PLCH2: variants seen among roughly 807,000 people sequenced by gnomAD.
The protein encoded by PLCH2 is 1-phosphatidylinositol 4,5-bisphosphate phosphodiesterase eta-2.
PLCH2 carries 98 observed loss-of-function variants against 134.7 expected under a neutral mutation model. That is an observed-to-expected ratio of 0.73 (90% CI 0.62 to 0.86). The LOEUF (loss-of-function observed/expected upper bound fraction) is 0.86. Ranked by LOEUF, PLCH2 falls within the 40% of genes least tolerant of loss-of-function variation. PLCH2 has a pLI of 0.00. For synonymous variants in PLCH2, 974 were observed against 827.5 expected (o/e 1.18, Z -3.04); for missense variants, 1,994 against 1,986.6 (o/e 1.00, Z -0.07).
At chr1:2,453,616 G>A (rs1190272486) in intron 2 of PLCH2, among the ~76,000 whole-genome samples, 1 of 152,136 alleles carries the variant, frequency 6.6e-6, no homozygotes, top group Non-Finnish European at 1.5e-5. Context: ...CCTCTGGCAG[G>A]GGCAGGACCC....
At chr1:2,438,687 C>T (rs1261413884) in intron 2 of PLCH2, among the ~76,000 whole-genome samples, 1 of 152,160 alleles carries the variant, frequency 6.6e-6, no homozygotes, top group Non-Finnish European at 1.5e-5. Context: ...CCCCGCCTCC[C>T]AACACCTGCT....
At position 2,495,374 on chromosome 1, in the gene PLCH2, G is replaced by T. The variant is rs191049391; in HGVS notation, c.1753-114G>T. 4 of 802,266 alleles carry T rather than the reference G, an allele frequency of 5.0e-6. 1 individual carries two copies. The highest frequency in any genetic ancestry group is 2.6e-5 in the Admixed American group (1 of 38,318). 49.7% of individuals were successfully genotyped at this position (802,266 alleles called of 1,614,324 possible). Reference sequence around the variant, plus strand: ...CAGCCAGGCGGGATGGACATGGGAGGCTGCGTGGGCCGCTGGGGACCCCGG... The same window carrying T: ...CAGCCAGGCGGGATGGACATGGGAGTCTGCGTGGGCCGCTGGGGACCCCGG... On this transcript the variant is annotated intron_variant, in intron 12 of 21. Coordinates refer to ENST00000378486, the MANE Select transcript of PLCH2 (RefSeq NM_014638.4).
intron 2 of PLCH2, among the ~76,000 whole-genome samples, chr1:2,443,027 T>A (rs1206548980): frequency 6.6e-6 from 1 of 152,170 alleles, no homozygotes; most frequent in Non-Finnish European, 1.5e-5. Flanking sequence ...GCTTTGGGCC[T>A]CCAGGGTCTG....
intron 2 of PLCH2, among the ~76,000 whole-genome samples, chr1:2,441,989 C>T (rs1015961320): frequency 2.0e-5 from 3 of 152,162 alleles, no homozygotes; most frequent in Non-Finnish European, 2.9e-5. Context: ...AACACACACC[C>T]GGCACAGAGT....
intron 2 of PLCH2, among the ~76,000 whole-genome samples, chr1:2,436,250 CCCCTCCTCCCTCCTCCTCCTTTCCT>C (rs1639350579): frequency 8.9e-6 from 1 of 112,630 alleles, no homozygotes; most frequent in Non-Finnish European, 1.9e-5. Flanking sequence ...CCTCCCTCCT[CCCCTCCTCCCTCCTCCTCCTTTCCT>C]CCTTCCTCCC....
chr1:2,467,920 C>T (rs1641144195), intron 1 of PLCH2, among the ~76,000 whole-genome samples: 1 of 152,230 alleles, frequency 6.6e-6, no homozygotes, highest in Non-Finnish European at 1.5e-5. Context: ...CACCCTGCCT[C>T]ATCTGCCCCT....
chr1:2,483,876 TGGGTGGCGCTGACTCCCGTGTG>T lies in PLCH2; in HGVS notation c.646-568_646-547del, dbSNP rs1558005167. On this transcript the variant is annotated intron_variant, in intron 4 of 21. Transcript: ENST00000378486. ...GTGTGGGGTGGCGCTGACCCCCGTG[TGGGTGGCGCTGACTCCCGTGTG>T]GGGGGGCGCTGACTCCCGTGTGGGG... Among the ~76,000 whole-genome samples, 3 of 22,644 alleles carry T rather than the reference TGGGTGGCGCTGACTCCCGTGTG, an allele frequency of 1.3e-4. 1 individual carries two copies. The highest frequency in any genetic ancestry group is 4.5e-4 in the African/African-American group (3 of 6,736). 14.9% of individuals were successfully genotyped at this position (22,644 alleles called of 152,430 possible).
At chr1:2,466,614 G>C (rs1475270547), upstream of PLCH2, among the ~76,000 whole-genome samples, 2 of 152,254 alleles carry the variant, frequency 1.3e-5, no homozygotes, top group African/African-American at 4.8e-5. Flanking sequence ...CACATCCGGG[G>C]CTCAGTGTCC....
At chr1:2,497,129 C>A (rs1642939194) in intron 15 of PLCH2, 119 bp downstream of exon 15, 1 of 981,238 alleles carries the variant, frequency 1.0e-6, no homozygotes, top group East Asian at 2.6e-5. Context: ...GGCTCTATTG[C>A]CCTTGGAGCC....
chr1:2,461,673 T>C (rs1640809612), intron 2 of PLCH2, among the ~76,000 whole-genome samples: 1 of 152,188 alleles, frequency 6.6e-6, no homozygotes, highest in African/African-American at 2.4e-5. Flanking sequence ...CCCGCCTCTG[T>C]GGGCCTCAAA....
At chr1:2,487,773 CA>C in intron 8 of PLCH2, 55 bp downstream of exon 8, 2 of 1,544,308 alleles carry the variant, frequency 1.3e-6, no homozygotes, top group Non-Finnish European at 1.8e-6. Flanking sequence ...GTAGGGTCTC[CA>C]GGCTCTAGCT....
Position 2,484,441 on chromosome 1 carries a change from A to T in PLCH2, c.646-7A>T, listed in dbSNP as rs781308040. 1.9e-6 allele frequency: 3 copies of T among 1,613,022 alleles called. No individual in the cohort carries two copies. In the South Asian group the frequency reaches 3.3e-5, roughly 18 times the overall value. On this transcript the variant is annotated splice_region_variant and splice_polypyrimidine_tract_variant and intron_variant, in intron 4 of 21. Transcript: ENST00000378486. ...TGCCAATGGGGACCCAAGGCCTTGCATTGCAGGAAGCGGACACGGATGACC... is the reference window on the plus strand; with the variant it reads ...TGCCAATGGGGACCCAAGGCCTTGCTTTGCAGGAAGCGGACACGGATGACC...
chr1:2,471,182 C>T (rs1374802669), intron 1 of PLCH2, among the ~76,000 whole-genome samples: 3 of 152,088 alleles, frequency 2.0e-5, no homozygotes, highest in South Asian at 2.1e-4. Context: ...CTGGGGACGG[C>T]GAGGGGGCAG....
At chr1:2,446,264 C>T (rs768737774) in intron 2 of PLCH2, among the ~76,000 whole-genome samples, 8 of 152,272 alleles carry the variant, frequency 5.3e-5, no homozygotes, top group Non-Finnish European at 1.0e-4. Flanking sequence ...ACTCTTGTCT[C>T]CAATGGCCCC....
chr1:2,455,945 T>G (rs1441232575), intron 2 of PLCH2, among the ~76,000 whole-genome samples: 1 of 152,250 alleles, frequency 6.6e-6, no homozygotes, highest in Non-Finnish European at 1.5e-5. Context: ...TAAGTGTATT[T>G]TTAAAGCGGC....
rs753901435 is a variant in PLCH2 at position 2,504,666 on chromosome 1, C to CTCCCTGGGGCTGCCTT, written c.3712_3727dup (p.Val1243GlyfsTer26). 3.4e-5 allele frequency: 55 copies of CTCCCTGGGGCTGCCTT among 1,612,532 alleles called. No individual in the cohort carries two copies. The highest frequency in any genetic ancestry group is 4.2e-5 in the Non-Finnish European group (49 of 1,179,834). Reference sequence around the variant, plus strand: ...AGGATGGCTGGCCTCCCCTTCCGGCCTCCCTGGGGCTGCCTTTCCCTGGTG... The same window carrying CTCCCTGGGGCTGCCTT: ...AGGATGGCTGGCCTCCCCTTCCGGCCTCCCTGGGGCTGCCTTTCCCTGGGGCTGCCTTTCCCTGGTG... On this transcript the variant is annotated frameshift_variant, in exon 22 of 22. Coordinates refer to ENST00000378486, the MANE Select transcript of PLCH2 (RefSeq NM_014638.4). LOFTEE classifies it high-confidence loss of function.
Position 2,496,778 on chromosome 1 carries a change from C to T in PLCH2, c.1934-50C>T, listed in dbSNP as rs753049140. 27 of 1,610,230 alleles carry T rather than the reference C, an allele frequency of 1.7e-5. No homozygotes were observed. In the South Asian group the frequency reaches 1.8e-4, roughly 10 times the overall value. Reference sequence around the variant, plus strand: ...CCATCCCTGCTATGCTGCTGGGCGCCGGGCGAGGTCGAGGACTGGCAGTCT... The same window carrying T: ...CCATCCCTGCTATGCTGCTGGGCGCTGGGCGAGGTCGAGGACTGGCAGTCT... On this transcript the variant is annotated intron_variant, in intron 14 of 21. Coordinates refer to ENST00000378486, the MANE Select transcript of PLCH2 (RefSeq NM_014638.4).
rs775481637 is a variant in PLCH2 at position 2,504,152 on chromosome 1, G to A, written c.3190G>A (p.Ala1064Thr). The change falls in exon 22 of 22, where the codon GCC becomes ACC. Residue 1064 changes from alanine (A) to threonine (T), a missense_variant. Ala to Thr is a moderately conservative substitution (Grantham distance 58, BLOSUM62 0). Coordinates refer to ENST00000378486, the MANE Select transcript of PLCH2 (RefSeq NM_014638.4). ...SRPRPCNGEG[A>T]GGAYERAPGS... Reference sequence around the variant, plus strand: ...GCCTCGGCCGTGCAACGGCGAGGGCGCCGGCGGGGCATACGAGAGGGCCCC... The same window carrying A: ...GCCTCGGCCGTGCAACGGCGAGGGCACCGGCGGGGCATACGAGAGGGCCCC... 18 of 1,522,816 alleles carry A rather than the reference G, an allele frequency of 1.2e-5. No individual in the cohort carries two copies. Among genetic ancestry groups the A allele is most frequent in the Admixed American group, 1.2e-4 (5 of 43,254 alleles). The allele number at this position is 1,522,816 out of a possible 1,614,324, so 94.3% of individuals were successfully genotyped here. A position where few individuals can be genotyped will look rare whatever the true frequency, so the allele number is the denominator to read the frequency against.
chr1:2,467,299 C>A (rs1342340185), upstream of PLCH2, among the ~76,000 whole-genome samples: 1 of 152,154 alleles, frequency 6.6e-6, no homozygotes, highest in East Asian at 1.9e-4. Context: ...CAGCTCAGCT[C>A]CCGCCAGAGA....
Sources: gnomAD v4.1 joint callset for allele counts (sites outside exome capture counted in the v4.1 genomes callset) on GRCh38, gnomAD v4.1.1 for gene constraint, MANE v1.5 for transcripts, NCBI Gene and HGNC (gene_info 2026-07-23, HGNC 2026-07-21) for gene names.